NPAS3: variants seen among roughly 807,000 people sequenced by gnomAD.
NPAS3 encodes the protein neuronal PAS domain protein 3.
NPAS3 carries 14 observed loss-of-function variants against 73.1 expected under a neutral mutation model. The observed-to-expected ratio is 0.19, with a 90% CI of 0.13 to 0.30. NPAS3 has a LOEUF of 0.30. Among genes scored for constraint, NPAS3 ranks in the 10% least tolerant of loss-of-function variants. The probability of loss-of-function intolerance (pLI) is 1.00; values close to 1 mark genes in which losing one functional copy is unlikely to be tolerated. For synonymous variants in NPAS3, 620 were observed against 541.5 expected, an observed-to-expected ratio of 1.14 and a Z score of -2.01; for missense variants, 1,096 against 1,250.0, an observed-to-expected ratio of 0.88 and a Z score of 1.86.
intron 4 of NPAS3, among the ~76,000 whole-genome samples, chr14:33,545,191 T>A (rs73269051): frequency 1.3e-5 from 2 of 152,222 alleles, no homozygotes; most frequent in African/African-American, 4.8e-5. Flanking sequence ...ACATGACTAT[T>A]GAGTTTTTTT....
At chr14:33,602,991 A>G (rs1397073000) in intron 5 of NPAS3, among the ~76,000 whole-genome samples, 1 of 152,230 alleles carries the variant, frequency 6.6e-6, no homozygotes, top group Non-Finnish European at 1.5e-5. Flanking sequence ...GTCACTTCCA[A>G]TCATACGTAC....
chr14:33,285,912 C>G (rs1214186329), intron 3 of NPAS3, among the ~76,000 whole-genome samples: 2 of 152,216 alleles, frequency 1.3e-5, no homozygotes, highest in African/African-American at 4.8e-5. Context: ...ATTTGTTGCA[C>G]TCTGCCAGGA....
At position 33,126,439 on chromosome 14, in the gene NPAS3, G is replaced by A. The variant is rs143702339; in HGVS notation, c.140+70445G>A. The stretch of plus-strand genomic sequence containing the variant: ...ATTTCCTAGAAATGTTGAAAATGTA[G>A]ATCCCCAGATATTACTCTGAGATGG... On this transcript the variant is annotated intron_variant, in intron 2 of 11. Transcript: ENST00000356141. Among the ~76,000 whole-genome samples, 440 of 152,232 alleles carry A rather than the reference G, an allele frequency of 2.9e-3. 1 individual carries two copies. The highest frequency in any genetic ancestry group is 0.01 in the African/African-American group (420 of 41,546).
At position 33,591,151 on chromosome 14, in the gene NPAS3, C is replaced by T. The variant is rs77466457; in HGVS notation, c.558+30941C>T. Among the ~76,000 whole-genome samples, 1,237 of 152,254 alleles carry T rather than the reference C, an allele frequency of 8.1e-3. 28 individuals are homozygous for T. The highest frequency in any genetic ancestry group is 0.034 in the Admixed American group (516 of 15,284). ...CTTCCTGAGGAGCAAGTTTCCTTCA[C>T]TTCTCCCTTTGTTTTAATGACAACT... On this transcript the variant is annotated intron_variant, in intron 5 of 11. Transcript: ENST00000356141.
At chr14:33,657,060 G>T (rs141574796) in intron 5 of NPAS3, among the ~76,000 whole-genome samples, 1 of 152,296 alleles carries the variant, frequency 6.6e-6, no homozygotes, top group East Asian at 1.9e-4. Flanking sequence ...CCTGCCATTT[G>T]TAATGCCAAT....
At chr14:33,710,381 T>C (rs369719119) in intron 6 of NPAS3, among the ~76,000 whole-genome samples, 15 of 152,212 alleles carry the variant, frequency 9.9e-5, no homozygotes, top group African/African-American at 3.6e-4. Context: ...GATCTTATCT[T>C]TCTTGTCCTG....
chr14:33,246,469 G>A (rs1325852287), intron 3 of NPAS3, among the ~76,000 whole-genome samples: 8 of 149,174 alleles, frequency 5.4e-5, no homozygotes, highest in Non-Finnish European at 8.9e-5. Context: ...AACCCCGGGG[G>A]ACGGAGCCTG....
intron 4 of NPAS3, among the ~76,000 whole-genome samples, chr14:33,502,758 T>G (rs1595043603): frequency 6.6e-6 from 1 of 151,962 alleles, no homozygotes; most frequent in Non-Finnish European, 1.5e-5. Flanking sequence ...CTAGTTTCCT[T>G]CTCTTCTGTC....
chr14:33,453,457 C>G (rs11621268), intron 4 of NPAS3, among the ~76,000 whole-genome samples: 84,744 of 151,976 alleles, frequency 0.56, 25,549 homozygotes, highest in East Asian at 0.7. Flanking sequence ...TTTGTCCTTC[C>G]CAATATTTCC....
chr14:33,339,147 C>A (rs1235416804), intron 3 of NPAS3, among the ~76,000 whole-genome samples: 1 of 152,118 alleles, frequency 6.6e-6, no homozygotes. Context: ...ATAAAGTTTT[C>A]TGTTAGCCTG....
rs73254928 is a variant in NPAS3, at chr14:33,232,259, G to C, written c.385+16833G>C. On this transcript the variant is annotated intron_variant, in intron 3 of 11. Coordinates refer to ENST00000356141, the Ensembl canonical transcript of NPAS3. ...ATAACCAAGTTGCTGGGCCAGCGTG[G>C]ACTCAGATTAAGAGTGTGGGTGCTT... 1.6e-3 allele frequency among the ~76,000 whole-genome samples: 242 copies of C among 152,302 alleles called. 1 individual carries two copies. The highest frequency in any genetic ancestry group is 5.5e-3 in the African/African-American group (230 of 41,572).
intron 4 of NPAS3, among the ~76,000 whole-genome samples, chr14:33,482,293 A>G (rs2051368668): frequency 6.6e-6 from 1 of 152,166 alleles, no homozygotes; most frequent in Non-Finnish European, 1.5e-5. Context: ...CCTTTAGATA[A>G]GTAAATGGCC....
At chr14:33,739,444 T>C (rs2061602450) in intron 7 of NPAS3, among the ~76,000 whole-genome samples, 1 of 152,210 alleles carries the variant, frequency 6.6e-6, no homozygotes, top group African/African-American at 2.4e-5. Flanking sequence ...GCTTTAAGAA[T>C]ATCTGCATCT....
At chr14:32,983,613 CTG>C (rs1446958869) in intron 1 of NPAS3, among the ~76,000 whole-genome samples, 1 of 151,922 alleles carries the variant, frequency 6.6e-6, no homozygotes, top group Non-Finnish European at 1.5e-5. Flanking sequence ...TTGGCTGAAA[CTG>C]TGTGATTTGT....
At chr14:33,192,956 C>G (rs1432669744) in intron 2 of NPAS3, among the ~76,000 whole-genome samples, 1 of 152,190 alleles carries the variant, frequency 6.6e-6, no homozygotes, top group African/African-American at 2.4e-5. Context: ...GAACAAATGA[C>G]TATCCCTTAT....
chr14:33,350,437 A>G (rs558557710), intron 3 of NPAS3, among the ~76,000 whole-genome samples: 2 of 152,268 alleles, frequency 1.3e-5, no homozygotes, highest in East Asian at 3.9e-4. Flanking sequence ...GTTGTTTCAC[A>G]CCATGGTTTA....
At chr14:33,002,771 A>G (rs1346434251) in intron 1 of NPAS3, among the ~76,000 whole-genome samples, 3 of 152,196 alleles carry the variant, frequency 2.0e-5, no homozygotes, top group Non-Finnish European at 4.4e-5. Flanking sequence ...GATTTAATAG[A>G]TGTTCAGGTT....
intron 4 of NPAS3, among the ~76,000 whole-genome samples, chr14:33,441,106 G>T (rs1471175949): frequency 6.6e-6 from 1 of 152,164 alleles, no homozygotes; most frequent in South Asian, 2.1e-4. Context: ...TAACTTCAAT[G>T]TGCACCAGAA....
chr14:33,706,769 G>A (rs762363049), intron 6 of NPAS3, among the ~76,000 whole-genome samples: 5 of 152,116 alleles, frequency 3.3e-5, no homozygotes, highest in Admixed American at 6.5e-5. Flanking sequence ...GCTCAGAGAC[G>A]TCAATAAGTT....
Sources: gnomAD v4.1 joint callset for allele counts (sites outside exome capture counted in the v4.1 genomes callset) on GRCh38, gnomAD v4.1.1 for gene constraint, MANE v1.5 for transcripts, NCBI Gene and HGNC (gene_info 2026-07-23, HGNC 2026-07-21) for gene names.